Variants in CTCFL observed in about 807,000 individuals in gnomAD.
CTCFL encodes the protein transcriptional repressor CTCFL.
CTCFL carries 36 observed loss-of-function variants against 67.4 expected under a neutral mutation model. The observed-to-expected ratio is 0.53, with a 90% CI of 0.41 to 0.71. The LOEUF is 0.71. Among genes scored for constraint, CTCFL ranks in the 30% least tolerant of loss-of-function variants. CTCFL has a pLI of 0.00. For missense variants in CTCFL, 786 were observed against 835.2 expected (o/e 0.94, Z 0.73); for synonymous variants, 324 against 302.3 (o/e 1.07, Z -0.75).
intron 5 of CTCFL, among the ~76,000 whole-genome samples, chr20:57,517,346 G>A (rs1985098): frequency 0.3 from 44,209 of 147,936 alleles, 7,204 homozygotes; most frequent in Middle Eastern, 0.39. Flanking sequence ...GCGCGATTTC[G>A]GCTCACTGGA....
At chr20:57,520,395 T>C (rs900263814) in intron 3 of CTCFL, among the ~76,000 whole-genome samples, 1 of 152,124 alleles carries the variant, frequency 6.6e-6, no homozygotes, top group African/African-American at 2.4e-5. Context: ...AAATACAGAA[T>C]ATAGCTGAGT....
intron 10 of CTCFL, among the ~76,000 whole-genome samples, chr20:57,502,195 G>C (rs954415941): frequency 7.9e-5 from 12 of 152,224 alleles, no homozygotes; most frequent in African/African-American, 2.9e-4. Context: ...CCCAGGCTTA[G>C]GGCTTTGCCA....
In CTCFL at chr20:57,515,702, C is replaced by G. The variant is rs1237930065; in HGVS notation, c.1180+12G>C. On this transcript the variant is annotated intron_variant, in intron 6 of 10. Transcript: ENST00000243914. Reference sequence around the variant, plus strand: ...ACTGTAGGTATCAGGCCTTCAGCACCAGAGCCCTTACCTGAGTGCGTTCTC... The same window carrying G: ...ACTGTAGGTATCAGGCCTTCAGCACGAGAGCCCTTACCTGAGTGCGTTCTC... The G allele has an allele frequency of 1.9e-5, 31 of 1,614,048 alleles. No individual in the cohort carries two copies. In the East Asian group the frequency reaches 6.9e-4, roughly 36 times the overall value.
intron 3 of CTCFL, among the ~76,000 whole-genome samples, chr20:57,520,961 C>A (rs921795522): frequency 6.6e-6 from 1 of 152,204 alleles, no homozygotes; most frequent in African/African-American, 2.4e-5. Context: ...TAGAGACATA[C>A]AGGAATAATT....
chr20:57,502,594 C>T (rs950423508), intron 10 of CTCFL, among the ~76,000 whole-genome samples: 1 of 152,126 alleles, frequency 6.6e-6, no homozygotes, highest in Non-Finnish European at 1.5e-5. Context: ...CAGTCATCTA[C>T]GGTTCTAAGG....
intron 5 of CTCFL, among the ~76,000 whole-genome samples, chr20:57,517,303 G>C (rs62206179): frequency 7.0e-6 from 1 of 142,208 alleles, no homozygotes; most frequent in East Asian, 2.0e-4. Context: ...TTTTTTTTTG[G>C]AGACGGTGTC....
intron 10 of CTCFL, 125 bp from the exon 11 acceptor site, chr20:57,498,826 A>C: frequency 1.2e-6 from 1 of 805,256 alleles, no homozygotes; most frequent in Non-Finnish European, 2.0e-6. Flanking sequence ...ATGTTAGAAA[A>C]CAATCTAATT....
intron 10 of CTCFL, among the ~76,000 whole-genome samples, chr20:57,502,613 G>C (rs1406625980): frequency 1.3e-5 from 2 of 152,174 alleles, no homozygotes; most frequent in African/African-American, 4.8e-5. Context: ...GGTTCTCAGA[G>C]GAAAGGAATG....
At chr20:57,524,882 G>A (rs1600689887) in intron 1 of CTCFL, 146 bp downstream of exon 1, 2 of 423,174 alleles carry the variant, frequency 4.7e-6, no homozygotes, top group South Asian at 1.0e-4. Context: ...CCCACGCCCC[G>A]CCCCGACCCG....
rs6099660 is a variant in CTCFL, at chr20:57,500,524, C to T, written c.1841-1823G>A. 0.33 allele frequency: 51,206 copies of T among 153,452 alleles called. 9,271 individuals are homozygous for T. The highest frequency in any genetic ancestry group is 0.46 in the African/African-American group (19,082 of 41,426). 9.5% of individuals were successfully genotyped at this position (153,452 alleles called of 1,614,324 possible). ...CTGGAGGTGCTGTGTGCTGGTGTAC[C>T]GGCAGAGCAGACACAGAAGTGAGAC... On this transcript the variant is annotated intron_variant, in intron 10 of 10. Transcript: ENST00000243914.
At chr20:57,504,138 G>A (rs1433092384) in intron 9 of CTCFL, among the ~76,000 whole-genome samples, 4 of 151,180 alleles carry the variant, frequency 2.6e-5, no homozygotes, top group East Asian at 2.0e-4. Context: ...CACCACGCCC[G>A]GCTGATTTTT....
At chr20:57,507,732 G>A (rs1007722538) in intron 9 of CTCFL, 7 of 702,890 alleles carry the variant, frequency 1.0e-5, no homozygotes, top group Non-Finnish European at 1.6e-5. Flanking sequence ...TGCAGCCTCA[G>A]GAGTGGCCCT....
intron 5 of CTCFL, among the ~76,000 whole-genome samples, 172 bp from the exon 6 acceptor site, chr20:57,516,006 T>C (rs778807363): frequency 3.3e-5 from 5 of 152,178 alleles, no homozygotes; most frequent in Non-Finnish European, 7.4e-5. Flanking sequence ...TGATCATCTG[T>C]TATGGGTGAT....
chr20:57,505,026 G>C (rs899506751), intron 9 of CTCFL, among the ~76,000 whole-genome samples: 2 of 151,882 alleles, frequency 1.3e-5, no homozygotes, highest in Non-Finnish European at 2.9e-5. Context: ...GCAGACCCCA[G>C]TTTGGTTCTA....
rs955249195 is a variant in CTCFL, at chr20:57,497,818, A to G, written c.*732T>C. ...AATGGAATGTAACCAGGGCAATTTC[A>G]TACCTGCCAAGGAGCATAATTAAAA... On this transcript the variant is annotated 3_prime_UTR_variant, in exon 11 of 11. Coordinates refer to ENST00000243914, the MANE Select transcript of CTCFL (RefSeq NM_001386993.1). 2.0e-6 allele frequency: 2 copies of G among 985,260 alleles called. No homozygotes were observed. Among genetic ancestry groups the G allele is most frequent in the Admixed American group, 6.1e-5 (1 of 16,270 alleles). 61.0% of individuals were successfully genotyped at this position (985,260 alleles called of 1,614,324 possible). A position where few individuals can be genotyped will look rare whatever the true frequency, so the allele number is the denominator to read the frequency against.
At position 57,498,496 on chromosome 20, in the gene CTCFL, A is replaced by G. The variant is rs2067761111; in HGVS notation, c.*54T>C. The G allele has an allele frequency of 6.4e-7, 1 of 1,572,714 alleles. No homozygotes were observed. The highest frequency in any genetic ancestry group is 8.6e-7 in the Non-Finnish European group (1 of 1,156,314). ...GCATTTCACACCTTAAATGCTAAAA[A>G]CTTCTAACTTGCTTTAGGAATTGGG... On this transcript the variant is annotated 3_prime_UTR_variant, in exon 11 of 11. Coordinates refer to ENST00000243914, the MANE Select transcript of CTCFL (RefSeq NM_001386993.1).
chr20:57,496,336 A>C, downstream of CTCFL: 1 of 683,662 alleles, frequency 1.5e-6, no homozygotes, highest in Non-Finnish European at 2.7e-6. Flanking sequence ...GCAGATACCA[A>C]CATCATCCTT....
At chr20:57,500,222 T>C (rs2067848004) in intron 10 of CTCFL, 28 of 1,043,188 alleles carry the variant, frequency 2.7e-5, no homozygotes, top group Non-Finnish European at 3.3e-5. Flanking sequence ...CCCACCACTT[T>C]GGGAGGCCGA....
Position 57,515,847 on chromosome 20 carries a change from T to A in CTCFL, c.1060-13A>T, listed in dbSNP as rs2068878698. 3.1e-6 allele frequency: 5 copies of A among 1,601,030 alleles called. No individual in the cohort carries two copies. The East Asian group carries it at 9.0e-5, about 29-fold the overall frequency. ...TCAATTTACTTGCCTAATAAATACA[T>A]AAATGATGTTCGTTGCAATAGAAAC... On this transcript the variant is annotated splice_polypyrimidine_tract_variant and intron_variant, in intron 5 of 10. Coordinates refer to ENST00000243914, the MANE Select transcript of CTCFL (RefSeq NM_001386993.1).
Sources: gnomAD v4.1 joint callset for allele counts (sites outside exome capture counted in the v4.1 genomes callset) on GRCh38, gnomAD v4.1.1 for gene constraint, MANE v1.5 for transcripts, NCBI Gene and HGNC (gene_info 2026-07-23, HGNC 2026-07-21) for gene names.